The following ATF6 variants were observed in gnomAD, a reference collection of about 807,000 sequenced individuals.
ATF6 encodes the protein cyclic AMP-dependent transcription factor ATF-6 alpha.
In ATF6, 53 loss-of-function variants were observed where a neutral mutation model predicts 83.6. The ratio of observed to expected loss-of-function variants is 0.63; its 90% confidence interval spans 0.51 to 0.80. The LOEUF (loss-of-function observed/expected upper bound fraction) is 0.80. Among genes scored for constraint, ATF6 ranks in the 30% least tolerant of loss-of-function variants. The probability of loss-of-function intolerance (pLI) is 0.00; values close to 1 mark genes in which losing one functional copy is unlikely to be tolerated. For synonymous variants in ATF6, 288 were observed against 285.8 expected (o/e 1.01, Z -0.08); for missense variants, 744 against 797.9 (o/e 0.93, Z 0.81).
At chr1:161,772,721 G>T (rs1174173893) in intron 1 of ATF6, among the ~76,000 whole-genome samples, 1 of 147,776 alleles carries the variant, frequency 6.8e-6, no homozygotes, top group East Asian at 2.0e-4. Context: ...GTTTCTCCTA[G>T]AAGTACTGTT....
rs141089908 is a variant in ATF6 at position 161,934,790 on chromosome 1, G to A, written c.1804+22410G>A. Among the ~76,000 whole-genome samples, 126 of 152,234 alleles carry A rather than the reference G, an allele frequency of 8.3e-4. 4 individuals carry two copies. In the East Asian group the frequency reaches 0.016, roughly 19 times the overall value. On this transcript the variant is annotated intron_variant, in intron 15 of 15. Coordinates refer to ENST00000367942, the MANE Select transcript of ATF6 (RefSeq NM_007348.4). ...CTACCACTGAGAGCATTAAATCCATGTTCCTAAGGTAACCCATGTTTTCCT... is the reference window on the plus strand; with the variant it reads ...CTACCACTGAGAGCATTAAATCCATATTCCTAAGGTAACCCATGTTTTCCT...
intron 9 of ATF6, among the ~76,000 whole-genome samples, chr1:161,831,010 C>A (rs1686045181): frequency 2.6e-5 from 4 of 152,276 alleles, no homozygotes; most frequent in Admixed American, 2.6e-4. Context: ...AGTGAACAGG[C>A]AACCTACAGA....
At chr1:161,811,013 G>A (rs1685441474) in intron 7 of ATF6, among the ~76,000 whole-genome samples, 1 of 151,982 alleles carries the variant, frequency 6.6e-6, no homozygotes, top group Non-Finnish European at 1.5e-5. Flanking sequence ...TCATCAGTTG[G>A]TAGACATTTG....
At chr1:161,784,634 A>G (rs906187280) in intron 4 of ATF6, among the ~76,000 whole-genome samples, 11 of 152,182 alleles carry the variant, frequency 7.2e-5, no homozygotes, top group African/African-American at 2.7e-4. Flanking sequence ...TACCTGATTT[A>G]GGTACTTTTT....
chr1:161,857,122 G>T (rs1686782409), intron 12 of ATF6, among the ~76,000 whole-genome samples: 1 of 152,136 alleles, frequency 6.6e-6, no homozygotes, highest in Non-Finnish European at 1.5e-5. Context: ...AGCATATCAA[G>T]ATTTTAAAAA....
At chr1:161,918,245 T>C (rs1447961120) in intron 15 of ATF6, among the ~76,000 whole-genome samples, 2 of 152,048 alleles carry the variant, frequency 1.3e-5, no homozygotes, top group Non-Finnish European at 2.9e-5. Flanking sequence ...GAAAATATTT[T>C]ACTAGTTTAA....
At chr1:161,930,495 A>G (rs564290983) in intron 15 of ATF6, among the ~76,000 whole-genome samples, 3 of 152,234 alleles carry the variant, frequency 2.0e-5, no homozygotes, top group Admixed American at 6.5e-5. Flanking sequence ...TCTTTCAAAA[A>G]TAGCTTTATC....
intron 15 of ATF6, among the ~76,000 whole-genome samples, chr1:161,921,656 G>A (rs752748835): frequency 2.0e-5 from 3 of 152,154 alleles, no homozygotes; most frequent in Non-Finnish European, 4.4e-5. Flanking sequence ...GACAGTGTGA[G>A]ATTTATGCAT....
At chr1:161,766,569 C>A in intron 1 of ATF6, 127 bp downstream of exon 1, 1 of 724,046 alleles carries the variant, frequency 1.4e-6, no homozygotes, top group Non-Finnish European at 2.3e-6. Flanking sequence ...GGCCCCTCGT[C>A]ACTCCTGTTC....
At chr1:161,784,665 A>G (rs1375066581) in intron 4 of ATF6, among the ~76,000 whole-genome samples, 1 of 152,214 alleles carries the variant, frequency 6.6e-6, no homozygotes, top group Non-Finnish European at 1.5e-5. Flanking sequence ...AAGGGAAAGT[A>G]TAAGAATAAA....
At chr1:161,932,432 C>T (rs2101903018) in intron 15 of ATF6, among the ~76,000 whole-genome samples, 1 of 152,172 alleles carries the variant, frequency 6.6e-6, no homozygotes, top group South Asian at 2.1e-4. Context: ...GATTTTTTGA[C>T]TGTCCCTTCC....
At chr1:161,912,271 A>T in intron 14 of ATF6, 25 bp from the exon 15 acceptor site, 1 of 1,572,674 alleles carries the variant, frequency 6.4e-7, no homozygotes, top group South Asian at 1.2e-5. Flanking sequence ...GTTATATATA[A>T]CAGATTGTTC....
chr1:161,917,166 T>A (rs943189705), intron 15 of ATF6, among the ~76,000 whole-genome samples: 1 of 152,208 alleles, frequency 6.6e-6, no homozygotes, highest in Non-Finnish European at 1.5e-5. Context: ...GAGCTGCCAG[T>A]TAAGTGCAGG....
chr1:161,805,530 G>A (rs554639414), intron 7 of ATF6, among the ~76,000 whole-genome samples: 1 of 151,914 alleles, frequency 6.6e-6, no homozygotes, highest in Non-Finnish European at 1.5e-5. Flanking sequence ...TTCAAGTAAA[G>A]AAGCATTAGT....
At chr1:161,894,774 A>G (rs1208812515) in intron 14 of ATF6, among the ~76,000 whole-genome samples, 3 of 145,284 alleles carry the variant, frequency 2.1e-5, no homozygotes, top group African/African-American at 5.2e-5. Context: ...CTGACCGGGA[A>G]CTCTTGACCT....
intron 4 of ATF6, among the ~76,000 whole-genome samples, chr1:161,788,692 A>G (rs914156672): frequency 1.3e-5 from 2 of 152,014 alleles, no homozygotes; most frequent in Non-Finnish European, 2.9e-5. Context: ...TAGGTTTCTT[A>G]ATACTCTTAG....
chr1:161,870,832 T>C (rs1687108006), intron 14 of ATF6, among the ~76,000 whole-genome samples: 6 of 151,798 alleles, frequency 4.0e-5, no homozygotes. Context: ...ATACGAAGTC[T>C]TCAAAATTCT....
Position 161,958,649 on chromosome 1 carries a change from C to T in ATF6, c.2008C>T (p.Gln670Ter). Residue 670 changes from glutamine (Q) to a stop codon, truncating the protein, a stop_gained, in exon 16 of 16, where the codon CAA becomes TAA. Coordinates refer to ENST00000367942, the MANE Select transcript of ATF6 (RefSeq NM_007348.4). LOFTEE classifies it high-confidence loss of function. ...TGTCAGCACCATCCCTGAGTCATTA[C>T]AATAGCACCCTGCAGCTATGCTGGA... ...HVVSTIPESL[Q>*] 1 of 1,608,876 alleles carries T rather than the reference C, an allele frequency of 6.2e-7. No individual in the cohort carries two copies. The highest frequency in any genetic ancestry group is 8.5e-7 in the Non-Finnish European group (1 of 1,177,332).
chr1:161,816,832 A>G (rs1685625742), intron 7 of ATF6, among the ~76,000 whole-genome samples: 1 of 152,152 alleles, frequency 6.6e-6, no homozygotes, highest in African/African-American at 2.4e-5. Context: ...CAAACACCAC[A>G]ATGTGTGTAT....
Sources: allele counts gnomAD v4.1 joint callset (sites outside exome capture counted in the v4.1 genomes callset), GRCh38; gene constraint gnomAD v4.1.1; transcripts MANE v1.5; gene names NCBI Gene and HGNC (gene_info 2026-07-23, HGNC 2026-07-21).